Variants in PTPRM observed in about 807,000 individuals in gnomAD.
PTPRM encodes the protein protein tyrosine phosphatase receptor type M.
PTPRM carries 47 observed loss-of-function variants against 186.7 expected under a neutral mutation model. The ratio of observed to expected loss-of-function variants is 0.25; its 90% CI spans 0.20 to 0.32. The LOEUF (loss-of-function observed/expected upper bound fraction) is 0.32, where lower values mean the gene tolerates loss of function less well. Among genes scored for constraint, PTPRM ranks in the 10% least tolerant of loss-of-function variants. PTPRM has a pLI of 1.00. For synonymous variants in PTPRM, 668 were observed against 674.9 expected, an observed-to-expected ratio of 0.99 and a Z score of 0.16; for missense variants, 1,494 against 1,865.0, an observed-to-expected ratio of 0.80 and a Z score of 3.66.
At chr18:7,882,324 A>C (rs1447167611) in intron 2 of PTPRM, among the ~76,000 whole-genome samples, 4 of 152,158 alleles carry the variant, frequency 2.6e-5, no homozygotes, top group Non-Finnish European at 5.9e-5. Context: ...TTTTTTAAAA[A>C]AACAACAACA....
intron 9 of PTPRM, among the ~76,000 whole-genome samples, chr18:8,084,197 CAATG>C (rs767392700): frequency 6.6e-6 from 1 of 152,074 alleles, no homozygotes; most frequent in Non-Finnish European, 1.5e-5. Context: ...GAGAGGGGCT[CAATG>C]AATATGTTTC....
chr18:7,841,281 C>CTTTTTTT (rs34688860), intron 2 of PTPRM, among the ~76,000 whole-genome samples: 25 of 70,222 alleles, frequency 3.6e-4, no homozygotes, highest in African/African-American at 9.7e-4. Context: ...CAAATCATTT[C>CTTTTTTT]TTTTTTTTTT....
chr18:8,069,629 C>T (rs963839500), intron 7 of PTPRM, 57 bp from the exon 8 acceptor site: 1 of 1,456,376 alleles, frequency 6.9e-7, no homozygotes, highest in Non-Finnish European at 9.4e-7. Flanking sequence ...TTGGGATTGA[C>T]CTGAGCCTTT....
chr18:7,943,337 G>A (rs9951398), intron 5 of PTPRM, among the ~76,000 whole-genome samples: 6,188 of 152,058 alleles, frequency 0.041, 413 homozygotes, highest in African/African-American at 0.14. Context: ...TTCATCTTAT[G>A]GGGTGCCTCC....
intron 13 of PTPRM, among the ~76,000 whole-genome samples, chr18:8,131,507 C>T (rs941285689): frequency 6.6e-6 from 1 of 152,176 alleles, no homozygotes; most frequent in Non-Finnish European, 1.5e-5. Context: ...TCCCTGCCAC[C>T]CAGCACACTG....
At chr18:8,033,040 G>T (rs897546139) in intron 7 of PTPRM, among the ~76,000 whole-genome samples, 1 of 151,972 alleles carries the variant, frequency 6.6e-6, no homozygotes, top group Admixed American at 6.6e-5. Context: ...ATAAAAGATT[G>T]ATGAATTTGA....
At chr18:7,766,492 A>T (rs2042020169) in intron 1 of PTPRM, among the ~76,000 whole-genome samples, 1 of 152,094 alleles carries the variant, frequency 6.6e-6, no homozygotes, top group Admixed American at 6.5e-5. Context: ...ATGGCAGAGG[A>T]GTTACTATGG....
At chr18:7,663,012 GATGT>G (rs1416438888) in intron 1 of PTPRM, among the ~76,000 whole-genome samples, 1 of 152,178 alleles carries the variant, frequency 6.6e-6, no homozygotes, top group Non-Finnish European at 1.5e-5. Flanking sequence ...TTTTGAAATA[GATGT>G]ATCATCCCCT....
At chr18:7,820,991 C>T (rs2045159123) in intron 2 of PTPRM, among the ~76,000 whole-genome samples, 1 of 152,084 alleles carries the variant, frequency 6.6e-6, no homozygotes, top group Admixed American at 6.5e-5. Flanking sequence ...TGGGAGAGTT[C>T]CACAAGTCAG....
At chr18:8,085,451 T>G (rs1228499541) in intron 9 of PTPRM, among the ~76,000 whole-genome samples, 1 of 152,182 alleles carries the variant, frequency 6.6e-6, no homozygotes, top group Non-Finnish European at 1.5e-5. Context: ...TCCTGTATAT[T>G]CTAATCTACT....
intron 14 of PTPRM, among the ~76,000 whole-genome samples, chr18:8,205,565 CAT>C (rs2093916723): frequency 6.6e-6 from 1 of 152,126 alleles, no homozygotes; most frequent in Non-Finnish European, 1.5e-5. Flanking sequence ...CTGTAATCCA[CAT>C]ATAGTTATAT....
intron 19 of PTPRM, among the ~76,000 whole-genome samples, chr18:8,277,030 G>A (rs1485174653): frequency 6.6e-6 from 1 of 151,764 alleles, no homozygotes; most frequent in Non-Finnish European, 1.5e-5. Context: ...TCCCCTGCCT[G>A]GGTTCAATTG....
At chr18:7,996,464 C>G (rs750542552) in intron 7 of PTPRM, among the ~76,000 whole-genome samples, 2 of 151,970 alleles carry the variant, frequency 1.3e-5, no homozygotes, top group African/African-American at 2.4e-5. Flanking sequence ...GAAGCTTTTC[C>G]TCTAAAATCT....
At chr18:8,100,469 T>C (rs569943296) in intron 11 of PTPRM, among the ~76,000 whole-genome samples, 52 of 152,162 alleles carry the variant, frequency 3.4e-4, no homozygotes, top group African/African-American at 1.1e-3. Flanking sequence ...AGAGACCAAA[T>C]CTCGTGCAAA....
chr18:7,583,042 A>C (rs1224206549), intron 1 of PTPRM, among the ~76,000 whole-genome samples: 1 of 152,190 alleles, frequency 6.6e-6, no homozygotes, highest in East Asian at 1.9e-4. Context: ...CCAGTCCAGA[A>C]TAGCTGCTGT....
intron 7 of PTPRM, among the ~76,000 whole-genome samples, chr18:8,016,424 G>T (rs2084864283): frequency 6.6e-6 from 1 of 151,604 alleles, no homozygotes; most frequent in Admixed American, 6.6e-5. Context: ...GGAGACCGAG[G>T]CATGAGAGTC....
rs9954286 is a variant in PTPRM at position 8,296,466 on chromosome 18, A to G, written c.2842+11A>G. 2.0e-3 allele frequency: 3,096 copies of G among 1,575,996 alleles called. 54 individuals carry two copies. In the African/African-American group the frequency reaches 0.038, roughly 19 times the overall value. On this transcript the variant is annotated intron_variant, in intron 20 of 32. Transcript: ENST00000580170. ...GGAATATCATTGCATGTAAGTGTCA[A>G]CAGTGTCATTGTGCTGTTGTAGAAC...
At chr18:7,715,364 A>G (rs945132069) in intron 1 of PTPRM, among the ~76,000 whole-genome samples, 4 of 152,220 alleles carry the variant, frequency 2.6e-5, no homozygotes, top group Non-Finnish European at 5.9e-5. Flanking sequence ...TCTCAAAATA[A>G]TAAGAGCTAT....
intron 1 of PTPRM, among the ~76,000 whole-genome samples, chr18:7,614,125 G>C (rs562792242): frequency 5.3e-5 from 8 of 152,148 alleles, no homozygotes; most frequent in Non-Finnish European, 2.9e-5. Context: ...GAGAACCAGA[G>C]AACATGTGTT....
Sources: allele counts gnomAD v4.1 joint callset (sites outside exome capture counted in the v4.1 genomes callset), GRCh38; gene constraint gnomAD v4.1.1; transcripts MANE v1.5; gene names NCBI Gene and HGNC (gene_info 2026-07-23, HGNC 2026-07-21).